PAX5: variants seen among roughly 807,000 people sequenced by gnomAD.
PAX5 encodes the protein paired box protein Pax-5.
A neutral mutation model predicts 43.7 loss-of-function variants in PAX5; 9 were observed. The observed-to-expected ratio is 0.21, with a 90% CI of 0.12 to 0.36. The LOEUF (loss-of-function observed/expected upper bound fraction) is 0.36. Among genes scored for constraint, PAX5 ranks in the 10% least tolerant of loss-of-function variants. The pLI, the probability that PAX5 is intolerant of heterozygous loss-of-function variation, is 1.00. For missense variants in PAX5, 383 were observed against 532.7 expected (o/e 0.72, Z 2.77); for synonymous variants, 228 against 214.3 (o/e 1.06, Z -0.56).
chr9:36,902,673 G>A (rs897599436), intron 7 of PAX5, among the ~76,000 whole-genome samples: 12 of 152,212 alleles, frequency 7.9e-5, no homozygotes, highest in African/African-American at 2.2e-4. Flanking sequence ...ATGGCCTTAG[G>A]CTGGGTTTCA....
Position 37,027,746 on chromosome 9 carries a change from CG to C in PAX5, c.46+6239del, listed in dbSNP as rs569162768. Among the ~76,000 whole-genome samples the C allele has an allele frequency of 3.2e-4, 49 of 152,334 alleles. No homozygotes were observed. In the East Asian group the frequency reaches 9.3e-3, roughly 29 times the overall value. On this transcript the variant is annotated intron_variant, in intron 1 of 9. Transcript: ENST00000358127. The stretch of plus-strand genomic sequence containing the variant: ...CAGCTCCCTCCGGGCGGGGGCGGGG[CG>C]GGGGCTAACCTGCCAATCACGCTCC...
At chr9:36,929,228 AAGGAAGGAG>A in intron 6 of PAX5, among the ~76,000 whole-genome samples, 1 of 147,544 alleles carries the variant, frequency 6.8e-6, no homozygotes, top group Non-Finnish European at 1.5e-5. Context: ...AGGAAGAAGG[AAGGAAGGAG>A]GAAGGAAGGA....
Position 37,034,181 on chromosome 9 carries a change from G to A in PAX5, c.-150C>T, listed in dbSNP as rs1461777342. 4 of 577,472 alleles carry A rather than the reference G, an allele frequency of 6.9e-6. No individual in the cohort carries two copies. The highest frequency in any genetic ancestry group is 8.8e-6 in the Non-Finnish European group (3 of 339,858). 35.8% of individuals were successfully genotyped at this position (577,472 alleles called of 1,614,324 possible). A position where few individuals can be genotyped will look rare whatever the true frequency, so the allele number is the denominator to read the frequency against. On this transcript the variant is annotated 5_prime_UTR_variant, in exon 1 of 10. Transcript: ENST00000358127. Reference sequence around the variant, plus strand: ...AATTCAAGCCTTCCGCTCCCCCGCCGAGCTGGGGTAGCTGATCACTGAGCT... The same window carrying A: ...AATTCAAGCCTTCCGCTCCCCCGCCAAGCTGGGGTAGCTGATCACTGAGCT...
chr9:36,890,277 G>A (rs143829462), intron 7 of PAX5, among the ~76,000 whole-genome samples: 2 of 152,216 alleles, frequency 1.3e-5, no homozygotes, highest in Non-Finnish European at 2.9e-5. Context: ...AGGTGGGGGC[G>A]GGATCCTGGT....
At chr9:37,032,408 T>C (rs777456608) in intron 1 of PAX5, among the ~76,000 whole-genome samples, 19 of 152,124 alleles carry the variant, frequency 1.2e-4, no homozygotes, top group Non-Finnish European at 2.2e-4. Flanking sequence ...TGAAAGTCCA[T>C]CTGCTGAGAA....
chr9:36,909,970 C>A (rs972696357), intron 7 of PAX5, among the ~76,000 whole-genome samples: 2 of 151,896 alleles, frequency 1.3e-5, no homozygotes, highest in Admixed American at 6.6e-5. Flanking sequence ...TATGGGCACG[C>A]ACCACCACAT....
chr9:37,034,052 T>A lies in PAX5; in HGVS notation c.-21A>T, dbSNP rs779749787. 17 of 1,512,880 alleles carry A rather than the reference T, an allele frequency of 1.1e-5. No individual in the cohort carries two copies. The highest frequency in any genetic ancestry group is 1.6e-5 in the Non-Finnish European group (17 of 1,092,948). 93.7% of individuals were successfully genotyped at this position (1,512,880 alleles called of 1,614,324 possible). On this transcript the variant is annotated 5_prime_UTR_variant, in exon 1 of 10. Transcript: ENST00000358127. Reference sequence around the variant, plus strand: ...TCCATTTTGATTTTTCAGGACTTGATGGAATGGACAGGGAAAAGTTTCCAC... The same window carrying A: ...TCCATTTTGATTTTTCAGGACTTGAAGGAATGGACAGGGAAAAGTTTCCAC...
chr9:36,933,871 C>T (rs1359035179), intron 6 of PAX5, among the ~76,000 whole-genome samples: 1 of 152,132 alleles, frequency 6.6e-6, no homozygotes, highest in East Asian at 1.9e-4. Flanking sequence ...CCTTGCCAGG[C>T]CTCAGTGACT....
At chr9:37,017,659 G>A (rs1839496926) in intron 2 of PAX5, among the ~76,000 whole-genome samples, 2 of 152,238 alleles carry the variant, frequency 1.3e-5, no homozygotes, top group African/African-American at 4.8e-5. Flanking sequence ...GCAACTCTGG[G>A]AGGGTGGCAA....
At chr9:36,967,949 G>A (rs983156620) in intron 5 of PAX5, among the ~76,000 whole-genome samples, 6 of 152,200 alleles carry the variant, frequency 3.9e-5, no homozygotes, top group African/African-American at 1.4e-4. Flanking sequence ...AGAAACAAAT[G>A]GGATGAAATA....
intron 6 of PAX5, among the ~76,000 whole-genome samples, chr9:36,948,083 T>G (rs1459741601): frequency 6.6e-6 from 1 of 152,232 alleles, no homozygotes; most frequent in Non-Finnish European, 1.5e-5. Flanking sequence ...ACACCAGCTC[T>G]GTGCTAGCAT....
intron 8 of PAX5, among the ~76,000 whole-genome samples, chr9:36,876,139 G>A (rs1170924002): frequency 6.6e-6 from 1 of 152,180 alleles, no homozygotes; most frequent in African/African-American, 2.4e-5. Flanking sequence ...GAAGGAGCAG[G>A]CCCCTCTCAC....
chr9:36,936,852 A>ATG (rs1429679542), intron 6 of PAX5, among the ~76,000 whole-genome samples: 291 of 14,218 alleles, frequency 0.02, 1 homozygote, highest in Non-Finnish European at 0.11. Context: ...ACACACATGC[A>ATG]CACACACACA....
chr9:36,833,709 A>T lies in PAX5; in HGVS notation c.*6851T>A, dbSNP rs529093422. 4 of 233,158 alleles carry T rather than the reference A, an allele frequency of 1.7e-5. No individual in the cohort carries two copies. Among genetic ancestry groups the T allele is most frequent in the South Asian group, 1.8e-4 (1 of 5,520 alleles). 14.4% of individuals were successfully genotyped at this position (233,158 alleles called of 1,614,324 possible). On this transcript the variant is annotated 3_prime_UTR_variant, in exon 10 of 10. Coordinates refer to ENST00000358127, the MANE Select transcript of PAX5 (RefSeq NM_016734.3). ...CACGTCACTAAGAAAAAAACCACCA[A>T]TATTTCAAGTCAGTTATTTTCTACT...
chr9:36,870,087 A>G (rs201523231), intron 8 of PAX5, among the ~76,000 whole-genome samples: 40 of 6,888 alleles, frequency 5.8e-3, no homozygotes, highest in South Asian at 0.022. Context: ...TGGATGGATA[A>G]ATGGATGGAT....
At chr9:36,939,538 T>C (rs1383206576) in intron 6 of PAX5, among the ~76,000 whole-genome samples, 1 of 152,226 alleles carries the variant, frequency 6.6e-6, no homozygotes, top group African/African-American at 2.4e-5. Context: ...CTTTTATACA[T>C]ATAAATAGCT....
At chr9:36,855,587 C>T (rs746730227) in intron 8 of PAX5, among the ~76,000 whole-genome samples, 32 of 152,256 alleles carry the variant, frequency 2.1e-4, no homozygotes, top group South Asian at 1.9e-3. Context: ...ACTGCAGTGC[C>T]CTGTGCTGGG....
chr9:36,863,026 A>G (rs1057118530), intron 8 of PAX5, among the ~76,000 whole-genome samples: 1 of 152,154 alleles, frequency 6.6e-6, no homozygotes, highest in Non-Finnish European at 1.5e-5. Flanking sequence ...ACAGCCACCA[A>G]ACCCTAAGTC....
intron 6 of PAX5, among the ~76,000 whole-genome samples, chr9:36,926,380 G>A (rs1260655506): frequency 1.3e-5 from 2 of 152,206 alleles, no homozygotes; most frequent in African/African-American, 4.8e-5. Flanking sequence ...ATGTCAGTGG[G>A]TATGTGTGTA....
Sources: gnomAD v4.1 joint callset for allele counts (sites outside exome capture counted in the v4.1 genomes callset) on GRCh38, gnomAD v4.1.1 for gene constraint, MANE v1.5 for transcripts, NCBI Gene and HGNC (gene_info 2026-07-23, HGNC 2026-07-21) for gene names.